GRID1: variants seen among roughly 807,000 people sequenced by gnomAD.
The protein encoded by GRID1 is glutamate receptor ionotropic, delta-1.
In GRID1, 28 loss-of-function variants were observed where a neutral mutation model predicts 98.0. That is an observed-to-expected ratio of 0.29 (90% confidence interval 0.21 to 0.39). GRID1 has a LOEUF of 0.39. GRID1 is among the 10% of genes least tolerant of loss of function. GRID1 has a pLI of 1.00. For missense variants in GRID1, 1,111 were observed against 1,340.5 expected (o/e 0.83, Z 2.67); for synonymous variants, 553 against 538.5 (o/e 1.03, Z -0.37).
At chr10:85,822,201 C>T (rs1442725012) in intron 8 of GRID1, among the ~76,000 whole-genome samples, 1 of 152,014 alleles carries the variant, frequency 6.6e-6, no homozygotes, top group East Asian at 1.9e-4. Flanking sequence ...TCTAATTAAA[C>T]TAAAGAGCTT....
At chr10:86,280,266 A>T (rs1269518867) in intron 2 of GRID1, among the ~76,000 whole-genome samples, 3 of 152,238 alleles carry the variant, frequency 2.0e-5, no homozygotes, top group South Asian at 2.1e-4. Context: ...TTAAAATTTT[A>T]AAAATATGAT....
At position 86,280,361 on chromosome 10, in the gene GRID1, C is replaced by G. The variant is rs940449609; in HGVS notation, c.236-73713G>C. Among the ~76,000 whole-genome samples, 2 of 152,168 alleles carry G rather than the reference C, an allele frequency of 1.3e-5. 1 individual carries two copies. Among genetic ancestry groups the G allele is most frequent in the Admixed American group, 1.3e-4 (2 of 15,280 alleles). On this transcript the variant is annotated intron_variant, in intron 2 of 15. Transcript: ENST00000327946. ...CAACTTATCCTTCATCTTCTCCCTC[C>G]TCTACTTGCTGCTCCTTCAATGATT...
chr10:86,084,223 C>A (rs2131932798), intron 4 of GRID1, among the ~76,000 whole-genome samples: 1 of 152,076 alleles, frequency 6.6e-6, no homozygotes, highest in Non-Finnish European at 1.5e-5. Context: ...CTGTGAGCAC[C>A]ACCGAAGACT....
chr10:85,621,406 A>G (rs899567534), intron 13 of GRID1, among the ~76,000 whole-genome samples: 9 of 152,136 alleles, frequency 5.9e-5, no homozygotes, highest in African/African-American at 2.2e-4. Flanking sequence ...GTCCACTGAG[A>G]CTTTCCAAAG....
intron 8 of GRID1, among the ~76,000 whole-genome samples, chr10:85,773,381 A>G (rs1423909840): frequency 6.6e-6 from 1 of 152,276 alleles, no homozygotes; most frequent in Non-Finnish European, 1.5e-5. Context: ...TGAATGGGCA[A>G]AAACTGGAAG....
At chr10:85,731,746 G>A (rs1214777582) in intron 8 of GRID1, among the ~76,000 whole-genome samples, 1 of 146,516 alleles carries the variant, frequency 6.8e-6, no homozygotes, top group Non-Finnish European at 1.5e-5. Flanking sequence ...AGACTGCAGG[G>A]AGCCACAATT....
At chr10:85,623,501 G>A (rs747122782) in intron 13 of GRID1, among the ~76,000 whole-genome samples, 2 of 152,188 alleles carry the variant, frequency 1.3e-5, no homozygotes, top group Non-Finnish European at 2.9e-5. Flanking sequence ...CTTATTCTGT[G>A]CTACTTATCC....
chr10:85,988,626 C>T (rs1027602662), intron 4 of GRID1, among the ~76,000 whole-genome samples: 16 of 152,182 alleles, frequency 1.1e-4, no homozygotes, highest in African/African-American at 3.9e-4. Context: ...AGCTCAAGCA[C>T]TAAGTTCCCG....
At chr10:85,998,010 C>T (rs546080791) in intron 4 of GRID1, among the ~76,000 whole-genome samples, 18 of 152,180 alleles carry the variant, frequency 1.2e-4, no homozygotes, top group African/African-American at 4.1e-4. Context: ...GTGAAGCAAA[C>T]ACTGGAGGAA....
At chr10:86,324,678 T>C (rs575155900) in intron 2 of GRID1, among the ~76,000 whole-genome samples, 6 of 152,042 alleles carry the variant, frequency 3.9e-5, no homozygotes, top group South Asian at 2.1e-4. Flanking sequence ...CAAGAAAGCA[T>C]AGCAAACAAG....
chr10:86,273,721 G>A (rs1035955425), intron 2 of GRID1, among the ~76,000 whole-genome samples: 1 of 152,152 alleles, frequency 6.6e-6, no homozygotes, highest in African/African-American at 2.4e-5. Flanking sequence ...CTTTTGAGAA[G>A]TGTCTGTTCA....
chr10:85,743,606 G>T (rs1022030077), intron 8 of GRID1, among the ~76,000 whole-genome samples: 1 of 152,100 alleles, frequency 6.6e-6, no homozygotes, highest in Non-Finnish European at 1.5e-5. Context: ...AACTACTGTA[G>T]GAGTTTAGGG....
chr10:85,687,588 T>C (rs528290061), intron 12 of GRID1, among the ~76,000 whole-genome samples: 62 of 151,872 alleles, frequency 4.1e-4, no homozygotes, highest in African/African-American at 1.4e-3. Flanking sequence ...TAAGATGGCG[T>C]CACTGTACTC....
At chr10:86,091,892 A>T (rs1844154855) in intron 4 of GRID1, among the ~76,000 whole-genome samples, 1 of 152,170 alleles carries the variant, frequency 6.6e-6, no homozygotes, top group African/African-American at 2.4e-5. Flanking sequence ...GACAGCAATC[A>T]CTGTAGTTCG....
intron 4 of GRID1, among the ~76,000 whole-genome samples, chr10:85,955,808 G>A (rs772246684): frequency 6.6e-6 from 1 of 152,158 alleles, no homozygotes; most frequent in Non-Finnish European, 1.5e-5. Flanking sequence ...GGACAGTGCA[G>A]CTGACCTATG....
intron 2 of GRID1, among the ~76,000 whole-genome samples, chr10:86,336,890 G>A (rs1458757725): frequency 2.0e-5 from 3 of 146,852 alleles, no homozygotes; most frequent in South Asian, 4.2e-4. Flanking sequence ...TGTCGCCCAG[G>A]CTGGAGTGCA....
Position 85,782,543 on chromosome 10 carries a change from G to A in GRID1, c.1234-52929C>T, listed in dbSNP as rs151289977. On this transcript the variant is annotated intron_variant, in intron 8 of 15. Transcript: ENST00000327946. ...AGGTGTTATATGGGATGAGCAATGG[G>A]AAGTGTTAGAGTTGAAATGTTAAGT... Among the ~76,000 whole-genome samples, 725 of 152,358 alleles carry A rather than the reference G, an allele frequency of 4.8e-3. 2 individuals carry two copies. Among genetic ancestry groups the A allele is most frequent in the Non-Finnish European group, 7.5e-3 (507 of 68,030 alleles).
At chr10:86,042,790 A>G (rs111907530) in intron 4 of GRID1, among the ~76,000 whole-genome samples, 6,658 of 152,268 alleles carry the variant, frequency 0.044, 172 homozygotes, top group Middle Eastern at 0.068. Context: ...GAAGCCATCA[A>G]GATGTTTATT....
intron 12 of GRID1, among the ~76,000 whole-genome samples, chr10:85,661,502 T>G (rs1401515806): frequency 6.6e-6 from 1 of 152,190 alleles, no homozygotes. Context: ...AGGGAGGATC[T>G]CACAGAGAAC....
Sources: allele counts gnomAD v4.1 joint callset (sites outside exome capture counted in the v4.1 genomes callset), GRCh38; gene constraint gnomAD v4.1.1; transcripts MANE v1.5; gene names NCBI Gene and HGNC (gene_info 2026-07-23, HGNC 2026-07-21).